SLC14A2: variants seen among roughly 807,000 people sequenced by gnomAD.
SLC14A2 encodes the protein urea transporter 2.
Under a neutral mutation model 104.6 loss-of-function variants are expected in SLC14A2, and 91 were observed. That is an observed-to-expected ratio of 0.87 (90% CI 0.73 to 1.04). The LOEUF (loss-of-function observed/expected upper bound fraction) is 1.04. Among genes scored for constraint, SLC14A2 ranks in the 50% least tolerant of loss-of-function variants. The probability of loss-of-function intolerance (pLI) is 0.00; values close to 1 mark genes in which losing one functional copy is unlikely to be tolerated. For missense variants in SLC14A2, 1,189 were observed against 1,156.0 expected (o/e 1.03, Z -0.41); for synonymous variants, 476 against 466.4 (o/e 1.02, Z -0.27).
At chr18:45,455,899 A>T (rs2086935826) in intron 1 of SLC14A2, among the ~76,000 whole-genome samples, 1 of 152,124 alleles carries the variant, frequency 6.6e-6, no homozygotes, top group Non-Finnish European at 1.5e-5. Flanking sequence ...GTATTTTCTT[A>T]TTGTAAGATG....
chr18:45,223,424 A>G (rs2084082915), intron 1 of SLC14A2, among the ~76,000 whole-genome samples: 1 of 152,184 alleles, frequency 6.6e-6, no homozygotes, highest in South Asian at 2.1e-4. Context: ...CCTAGAACAC[A>G]AGGGAAAAAA....
chr18:45,426,698 T>TACACACACAC lies in SLC14A2; in HGVS notation c.-124-56509_-124-56500dup, dbSNP rs34456057. ...ACACACATATACATATATACATACA[T>TACACACACAC]ACACACACACACACACACACACACA... On this transcript the variant is annotated intron_variant, in intron 1 of 20. Transcript: ENST00000586448. Among the ~76,000 whole-genome samples, 856 of 140,980 alleles carry TACACACACAC rather than the reference T, an allele frequency of 6.1e-3. 9 individuals are homozygous for TACACACACAC. The highest frequency in any genetic ancestry group is 0.049 in the South Asian group (215 of 4,370). 92.5% of individuals were successfully genotyped at this position (140,980 alleles called of 152,430 possible).
intron 18 of SLC14A2, among the ~76,000 whole-genome samples, chr18:45,678,566 G>A (rs570665349): frequency 1.3e-5 from 2 of 152,290 alleles, no homozygotes; most frequent in African/African-American, 4.8e-5. Flanking sequence ...CTTTCAGAAC[G>A]CTGCTCTTCC....
At chr18:45,393,518 T>C (rs894971488) in intron 1 of SLC14A2, among the ~76,000 whole-genome samples, 14 of 152,184 alleles carry the variant, frequency 9.2e-5, no homozygotes, top group Admixed American at 2.6e-4. Context: ...CCATAAATTA[T>C]CCCTGTGCAT....
intron 1 of SLC14A2, among the ~76,000 whole-genome samples, chr18:45,422,922 A>G (rs1461625712): frequency 6.6e-6 from 1 of 152,140 alleles, no homozygotes. Flanking sequence ...CGGCTCCCTC[A>G]GTGCTAATTT....
At chr18:45,394,770 G>A (rs905951537) in intron 1 of SLC14A2, among the ~76,000 whole-genome samples, 14 of 152,188 alleles carry the variant, frequency 9.2e-5, no homozygotes, top group Admixed American at 9.2e-4. Flanking sequence ...CTTCTTATCA[G>A]ATATATGGTT....
At chr18:45,623,511 GT>G (rs1232577317) in intron 1 of SLC14A2, among the ~76,000 whole-genome samples, 1 of 152,208 alleles carries the variant, frequency 6.6e-6, no homozygotes, top group Non-Finnish European at 1.5e-5. Context: ...AAGAAGAAGG[GT>G]TTCTGCCCAA....
intron 2 of SLC14A2, among the ~76,000 whole-genome samples, chr18:45,545,206 C>A (rs2043951631): frequency 6.6e-6 from 1 of 152,162 alleles, no homozygotes; most frequent in Non-Finnish European, 1.5e-5. Flanking sequence ...CATTAGCCTG[C>A]CCAGTGGTTA....
chr18:45,309,758 C>T (rs568800359), intron 1 of SLC14A2, among the ~76,000 whole-genome samples: 5 of 152,156 alleles, frequency 3.3e-5, no homozygotes, highest in African/African-American at 1.2e-4. Flanking sequence ...GTATGAGGAA[C>T]ATTTTTGTAG....
intron 2 of SLC14A2, among the ~76,000 whole-genome samples, chr18:45,536,636 A>C (rs898451092): frequency 6.6e-6 from 1 of 152,140 alleles, no homozygotes; most frequent in African/African-American, 2.4e-5. Flanking sequence ...GTCCACAACA[A>C]TCCATTGCCA....
In SLC14A2 at chr18:45,663,816, C is replaced by G. The variant is rs375209549; in HGVS notation, c.1383C>G (p.Gly461=). 6.2e-7 allele frequency: 1 copy of G among 1,612,956 alleles called. No homozygotes were observed. Among genetic ancestry groups the G allele is most frequent in the Non-Finnish European group, 8.5e-7 (1 of 1,179,862 alleles). Residue 461 remains glycine (G), a synonymous_variant, in exon 11 of 20, where the codon GGC becomes GGG. Coordinates refer to ENST00000255226, the MANE Select transcript of SLC14A2 (RefSeq NM_007163.4). ...GGGGEHPPTA[G]PKVEEGSEAV... is the part of the protein sequence containing the mutation. ...GTGGGGAGCATCCACCCACAGCAGG[C>G]CCAAAGGTGGAGGAGGGCTCGGAGG...
At chr18:45,489,237 T>C (rs926632223) in intron 2 of SLC14A2, among the ~76,000 whole-genome samples, 1 of 152,164 alleles carries the variant, frequency 6.6e-6, no homozygotes, top group African/African-American at 2.4e-5. Flanking sequence ...ATCTCTTGAA[T>C]TTCACAATGC....
chr18:45,362,012 GT>G (rs2144329386), intron 1 of SLC14A2, among the ~76,000 whole-genome samples: 1 of 152,318 alleles, frequency 6.6e-6, no homozygotes, highest in African/African-American at 2.4e-5. Context: ...TAATCCCCAT[GT>G]GTCAAGGGAG....
intron 1 of SLC14A2, among the ~76,000 whole-genome samples, chr18:45,481,122 G>C (rs955043398): frequency 6.6e-6 from 1 of 152,084 alleles, no homozygotes; most frequent in Admixed American, 6.6e-5. Context: ...ATTAGGAGGA[G>C]GCAGGATTCC....
At chr18:45,510,828 C>T (rs1221062857) in intron 2 of SLC14A2, among the ~76,000 whole-genome samples, 1 of 152,252 alleles carries the variant, frequency 6.6e-6, no homozygotes, top group Non-Finnish European at 1.5e-5. Flanking sequence ...GCAAAGGCCA[C>T]TCACCTCACT....
chr18:45,286,125 G>A (rs998654839), intron 1 of SLC14A2, among the ~76,000 whole-genome samples: 3 of 152,194 alleles, frequency 2.0e-5, no homozygotes, highest in Non-Finnish European at 4.4e-5. Flanking sequence ...TTTTCACAGT[G>A]TATTGATCAG....
At chr18:45,308,330 C>G (rs773289216) in intron 1 of SLC14A2, among the ~76,000 whole-genome samples, 5 of 152,160 alleles carry the variant, frequency 3.3e-5, no homozygotes, top group African/African-American at 1.2e-4. Context: ...TCTAAGAAAT[C>G]TAAGTAACTT....
At chr18:45,509,369 C>T (rs1023318844) in intron 2 of SLC14A2, among the ~76,000 whole-genome samples, 2 of 152,026 alleles carry the variant, frequency 1.3e-5, no homozygotes, top group Non-Finnish European at 2.9e-5. Context: ...AGTTTTCTTC[C>T]TGTGGTTTTC....
At chr18:45,202,780 C>T in the SLC14A2 span, among the ~76,000 whole-genome samples, 1 of 152,144 alleles carries the variant, frequency 6.6e-6, no homozygotes, top group South Asian at 2.1e-4. Context: ...CATGTACCAA[C>T]ATTTAACATA....
Sources: gnomAD v4.1 joint callset for allele counts (sites outside exome capture counted in the v4.1 genomes callset) on GRCh38, gnomAD v4.1.1 for gene constraint, MANE v1.5 for transcripts, NCBI Gene and HGNC (gene_info 2026-07-23, HGNC 2026-07-21) for gene names.